Variants in NAT1 observed in about 807,000 individuals in gnomAD.
NAT1 encodes the protein N-acetyltransferase 1, also known as arylamine N-acetyltransferase 1.
For synonymous variants in NAT1, 144 were observed against 122.6 expected (o/e 1.17, Z -1.16); for missense variants, 400 against 339.2 (o/e 1.18, Z -1.41).
intron 2 of NAT1, among the ~76,000 whole-genome samples, chr8:18,177,363 G>A (rs1802332430): frequency 6.6e-6 from 1 of 152,006 alleles, no homozygotes; most frequent in African/African-American, 2.4e-5. Context: ...TATTTATATA[G>A]TTATATGAGC....
intron 2 of NAT1, among the ~76,000 whole-genome samples, chr8:18,194,836 A>T (rs2117270748): frequency 6.7e-6 from 1 of 149,692 alleles, no homozygotes; most frequent in African/African-American, 2.5e-5. Context: ...AAAAAAAAAG[A>T]ATATTCAGGC....
intron 2 of NAT1, among the ~76,000 whole-genome samples, chr8:18,183,846 A>G (rs1802618859): frequency 6.6e-6 from 1 of 152,184 alleles, no homozygotes; most frequent in Admixed American, 6.5e-5. Context: ...TAAGGCTTGG[A>G]AAAAAATCTT....
At chr8:18,219,682 A>G (rs1434430952) in intron 2 of NAT1, among the ~76,000 whole-genome samples, 193 bp downstream of exon 2, 1 of 152,258 alleles carries the variant, frequency 6.6e-6, no homozygotes, top group Non-Finnish European at 1.5e-5. Flanking sequence ...AAGTGCTTTC[A>G]GCATTCCACC....
At chr8:18,206,133 G>C (rs4581095), upstream of NAT1, among the ~76,000 whole-genome samples, 1,658 of 152,294 alleles carry the variant, frequency 0.011, 35 homozygotes, top group African/African-American at 0.038. Context: ...GGTGGCTGAA[G>C]GGTCTCCTTC....
chr8:18,186,253 T>C (rs957087199), intron 2 of NAT1, among the ~76,000 whole-genome samples: 1 of 152,190 alleles, frequency 6.6e-6, no homozygotes, highest in Non-Finnish European at 1.5e-5. Context: ...CTTCCCGTAG[T>C]TCTTTTTCAT....
At chr8:18,198,678 G>A (rs989740695) in intron 2 of NAT1, among the ~76,000 whole-genome samples, 2 of 152,272 alleles carry the variant, frequency 1.3e-5, no homozygotes, top group South Asian at 2.1e-4. Flanking sequence ...GGTGTAACAT[G>A]TGATGTTTTG....
intron 2 of NAT1, among the ~76,000 whole-genome samples, chr8:18,190,860 AG>A (rs1370241187): frequency 6.6e-6 from 1 of 152,146 alleles, no homozygotes; most frequent in Non-Finnish European, 1.5e-5. Context: ...TGAGATCAGG[AG>A]TTCCAGACCA....
intron 2 of NAT1, among the ~76,000 whole-genome samples, chr8:18,189,332 A>G (rs1023018813): frequency 6.6e-6 from 1 of 152,162 alleles, no homozygotes; most frequent in African/African-American, 2.4e-5. Context: ...TTATGTTTGT[A>G]ATCTGCTTTA....
At chr8:18,189,014 A>G (rs1287013931) in intron 2 of NAT1, among the ~76,000 whole-genome samples, 5 of 141,884 alleles carry the variant, frequency 3.5e-5, no homozygotes, top group Non-Finnish European at 7.6e-5. Context: ...AAAAAAAAAG[A>G]AAGAAAGAAA....
At position 18,174,168 on chromosome 8, in the gene NAT1, C is replaced by A. The variant is rs77835690; in HGVS notation, n.92+3429C>A. On this transcript the variant is annotated intron_variant and non_coding_transcript_variant, in intron 2 of 4. Coordinates refer to the NAT1 transcript ENST00000517441. ...AAATAAATTGCTATCAATATCTGAG[C>A]AAGTGTATGACTAGATTAGCCACAT... Among the ~76,000 whole-genome samples, 1,167 of 152,206 alleles carry A rather than the reference C, an allele frequency of 7.7e-3. 19 individuals are homozygous for A. The highest frequency in any genetic ancestry group is 0.027 in the African/African-American group (1,119 of 41,522).
intron 2 of NAT1, among the ~76,000 whole-genome samples, chr8:18,175,790 A>AT (rs1802273360): frequency 6.6e-6 from 1 of 152,076 alleles, no homozygotes; most frequent in Non-Finnish European, 1.5e-5. Flanking sequence ...GAAACTTCAT[A>AT]CTTTTTCCCA....
chr8:18,191,008 G>C lies in NAT1; in HGVS notation n.93-18773G>C, dbSNP rs1802960695. 2.0e-5 allele frequency among the ~76,000 whole-genome samples: 3 copies of C among 151,582 alleles called. No homozygotes were observed. In the South Asian group the frequency reaches 6.3e-4, roughly 32 times the overall value. ...CTTGAACCAGGAGGCAGAGTCTGCA[G>C]TGAGCTGAGATCACACCACTGTGCT... On this transcript the variant is annotated intron_variant and non_coding_transcript_variant, in intron 2 of 4. Transcript: ENST00000517441.
chr8:18,186,453 T>C (rs1250709735), intron 2 of NAT1, among the ~76,000 whole-genome samples: 1 of 152,206 alleles, frequency 6.6e-6, no homozygotes, highest in African/African-American at 2.4e-5. Flanking sequence ...CTCTTTTCCT[T>C]TCAAGCCTCC....
intron 2 of NAT1, 129 bp from the exon 3 acceptor site, chr8:18,221,913 G>T: frequency 1.0e-6 from 1 of 981,396 alleles, no homozygotes; most frequent in Admixed American, 2.6e-5. Flanking sequence ...TACAATGAAA[G>T]CACTAGAAAT....
chr8:18,180,240 T>C (rs1015269369), intron 2 of NAT1, among the ~76,000 whole-genome samples: 2 of 152,146 alleles, frequency 1.3e-5, no homozygotes, highest in African/African-American at 4.8e-5. Context: ...GGTGTTGAGT[T>C]AGGAAAATTA....
intron 2 of NAT1, among the ~76,000 whole-genome samples, chr8:18,172,093 G>A (rs76478255): frequency 6.6e-6 from 1 of 152,142 alleles, no homozygotes; most frequent in Non-Finnish European, 1.5e-5. Context: ...AAGGACAACA[G>A]TGAAAACTGC....
Position 18,194,845 on chromosome 8 carries a change from G to T in NAT1, n.93-14936G>T, listed in dbSNP as rs568236958. Among the ~76,000 whole-genome samples the T allele has an allele frequency of 5.6e-3, 850 of 151,740 alleles. 7 individuals carry two copies. The highest frequency in any genetic ancestry group is 0.019 in the African/African-American group (792 of 41,382). ...AAAAAAAAAAAAAAAGAATATTCAGGCAGAGGCAGCAGGAATGTGTATGTT... is the reference window on the plus strand; with the variant it reads ...AAAAAAAAAAAAAAAGAATATTCAGTCAGAGGCAGCAGGAATGTGTATGTT... On this transcript the variant is annotated intron_variant and non_coding_transcript_variant, in intron 2 of 4. Transcript: ENST00000517441.
chr8:18,179,590 G>A (rs188559876), intron 2 of NAT1, among the ~76,000 whole-genome samples: 1 of 152,288 alleles, frequency 6.6e-6, no homozygotes, highest in Admixed American at 6.5e-5. Flanking sequence ...TTTGGTGCAT[G>A]ATTAGCAGTC....
intron 2 of NAT1, among the ~76,000 whole-genome samples, chr8:18,184,877 G>A (rs554547222): frequency 6.6e-6 from 1 of 152,218 alleles, no homozygotes; most frequent in East Asian, 1.9e-4. Flanking sequence ...TTTTTCTAAT[G>A]CATGCTTGTG....
Sources: allele counts gnomAD v4.1 joint callset (sites outside exome capture counted in the v4.1 genomes callset), GRCh38; gene constraint gnomAD v4.1.1; transcripts MANE v1.5; gene names NCBI Gene and HGNC (gene_info 2026-07-23, HGNC 2026-07-21).